RNF121: variants seen among roughly 807,000 people sequenced by gnomAD.
RNF121 encodes ring finger protein 121.
Under a neutral mutation model 46.5 loss-of-function variants are expected in RNF121, and 21 were observed. That is an observed-to-expected ratio of 0.45 (90% CI 0.32 to 0.65). RNF121 has a LOEUF of 0.65. Ranked by LOEUF, RNF121 falls within the 30% of genes least tolerant of loss-of-function variation. The probability of loss-of-function intolerance (pLI) is 0.04; values close to 1 mark genes in which losing one functional copy is unlikely to be tolerated. For synonymous variants in RNF121, 139 were observed against 144.7 expected (o/e 0.96, Z 0.28); for missense variants, 346 against 416.0 (o/e 0.83, Z 1.46).
intron 1 of RNF121, among the ~76,000 whole-genome samples, chr11:71,937,553 T>C (rs1169657804): frequency 6.6e-6 from 1 of 152,186 alleles, no homozygotes; most frequent in Non-Finnish European, 1.5e-5. Flanking sequence ...TGGACACCAG[T>C]GTGTATGTGA....
intron 3 of RNF121, among the ~76,000 whole-genome samples, chr11:71,967,410 C>T (rs1338248544): frequency 8.1e-6 from 1 of 124,162 alleles, no homozygotes; most frequent in African/African-American, 3.0e-5. Flanking sequence ...AGTGCAATGG[C>T]ATGGTCTCGG....
At chr11:71,957,130 T>C in intron 1 of RNF121, 97 bp from the exon 2 acceptor site, 1 of 836,102 alleles carries the variant, frequency 1.2e-6, no homozygotes, top group Admixed American at 1.7e-5. Context: ...GAAGCTTCTC[T>C]AATTCCTTGA....
intron 1 of RNF121, among the ~76,000 whole-genome samples, chr11:71,941,338 C>A (rs765825980): frequency 5.4e-4 from 82 of 152,182 alleles, no homozygotes; most frequent in Non-Finnish European, 9.8e-4. Flanking sequence ...CCCTTTATTT[C>A]TCTCCCTAAT....
chr11:71,929,545 G>C (rs952810674), intron 1 of RNF121, among the ~76,000 whole-genome samples: 1 of 152,138 alleles, frequency 6.6e-6, no homozygotes, highest in Non-Finnish European at 1.5e-5. Context: ...ACACAGACCG[G>C]GAAAGAGTGC....
chr11:71,936,588 G>T (rs1590766031), intron 1 of RNF121, among the ~76,000 whole-genome samples: 1 of 152,124 alleles, frequency 6.6e-6, no homozygotes, highest in East Asian at 1.9e-4. Context: ...TAGAGACGGG[G>T]TTTCACCGTG....
intron 1 of RNF121, among the ~76,000 whole-genome samples, chr11:71,949,861 G>C (rs1000228524): frequency 6.6e-6 from 1 of 151,980 alleles, no homozygotes; most frequent in Non-Finnish European, 1.5e-5. Flanking sequence ...CATTAGCTGG[G>C]CGTGGTGGCA....
intron 3 of RNF121, among the ~76,000 whole-genome samples, chr11:71,973,417 G>T (rs1006066301): frequency 6.6e-6 from 1 of 152,080 alleles, no homozygotes; most frequent in Non-Finnish European, 1.5e-5. Context: ...CTTGAGCCTG[G>T]GAGGTTGAGG....
chr11:71,960,694 T>A, intron 2 of RNF121, 56 bp from the exon 3 acceptor site: 1 of 1,576,696 alleles, frequency 6.3e-7, no homozygotes. Flanking sequence ...GAAAGCACTG[T>A]CCCTTTATCA....
At chr11:71,959,096 G>A (rs187586254) in intron 2 of RNF121, among the ~76,000 whole-genome samples, 83 of 152,312 alleles carry the variant, frequency 5.4e-4, no homozygotes, top group African/African-American at 1.7e-3. Flanking sequence ...ACAGATGTGA[G>A]GTTAATTGGC....
At chr11:71,995,659 G>C (rs1954960589) in intron 8 of RNF121, 108 bp downstream of exon 8, 3 of 805,528 alleles carry the variant, frequency 3.7e-6, no homozygotes, top group Non-Finnish European at 6.2e-6. Flanking sequence ...CCCCCAACCA[G>C]AACATGTCAA....
At chr11:71,963,403 A>G (rs1252358727) in intron 3 of RNF121, among the ~76,000 whole-genome samples, 2 of 152,120 alleles carry the variant, frequency 1.3e-5, no homozygotes, top group African/African-American at 4.8e-5. Context: ...TGGGCGGATC[A>G]CAAGGTCAGG....
At chr11:71,963,273 G>T (rs1954182522) in intron 3 of RNF121, among the ~76,000 whole-genome samples, 1 of 152,034 alleles carries the variant, frequency 6.6e-6, no homozygotes, top group African/African-American at 2.4e-5. Flanking sequence ...TCATATCTAA[G>T]AATCCATTGC....
At chr11:71,981,619 CTTAGAG>C (rs1332037324) in intron 3 of RNF121, among the ~76,000 whole-genome samples, 13 of 152,048 alleles carry the variant, frequency 8.5e-5, no homozygotes, top group Admixed American at 2.6e-4. Context: ...AAATTTCTGT[CTTAGAG>C]TTAGAATTGT....
chr11:71,955,844 C>T (rs1953978919), intron 1 of RNF121, among the ~76,000 whole-genome samples: 1 of 152,162 alleles, frequency 6.6e-6, no homozygotes, highest in African/African-American at 2.4e-5. Context: ...CTCTATCCTT[C>T]TGGGAGATGA....
intron 1 of RNF121, among the ~76,000 whole-genome samples, chr11:71,937,580 C>T (rs996033055): frequency 7.9e-5 from 12 of 152,196 alleles, no homozygotes; most frequent in Admixed American, 7.2e-4. Flanking sequence ...CTAATGATAG[C>T]GAACTAATCG....
intron 1 of RNF121, among the ~76,000 whole-genome samples, chr11:71,944,159 C>T (rs1326020691): frequency 6.6e-6 from 1 of 152,054 alleles, no homozygotes; most frequent in Non-Finnish European, 1.5e-5. Context: ...TGATGAAACC[C>T]CGTCTCTACT....
At chr11:71,965,202 T>C (rs2134182660) in intron 3 of RNF121, among the ~76,000 whole-genome samples, 3 of 152,250 alleles carry the variant, frequency 2.0e-5, no homozygotes, top group Admixed American at 2.0e-4. Flanking sequence ...CTCTCAAATA[T>C]CTATCCATAT....
rs554488197 is a variant in RNF121, at chr11:71,931,470, G to T, written c.63+2346G>T. Reference sequence around the variant, plus strand: ...AGGTCTGGTCTGGCAGACCTTAGTTGGTATTCAGGTTTCTACTAATGTCTC... The same window carrying T: ...AGGTCTGGTCTGGCAGACCTTAGTTTGTATTCAGGTTTCTACTAATGTCTC... On this transcript the variant is annotated intron_variant, in intron 1 of 8. Coordinates refer to ENST00000361756, the MANE Select transcript of RNF121 (RefSeq NM_018320.5). 2.0e-5 allele frequency among the ~76,000 whole-genome samples: 3 copies of T among 152,260 alleles called. No homozygotes were observed. The East Asian group carries it at 5.8e-4, about 29-fold the overall frequency.
chr11:71,955,775 A>C (rs1953976907), intron 1 of RNF121, among the ~76,000 whole-genome samples: 1 of 152,130 alleles, frequency 6.6e-6, no homozygotes, highest in Non-Finnish European at 1.5e-5. Context: ...GTTATTTAGA[A>C]ATGTGATTCA....
Sources: gnomAD v4.1 joint callset for allele counts (sites outside exome capture counted in the v4.1 genomes callset) on GRCh38, gnomAD v4.1.1 for gene constraint, MANE v1.5 for transcripts, NCBI Gene and HGNC (gene_info 2026-07-23, HGNC 2026-07-21) for gene names.